The following HS6ST3 variants were observed in gnomAD, a reference collection of about 807,000 sequenced individuals.
HS6ST3 encodes heparan sulfate 6-O-sulfotransferase 3.
Under a neutral mutation model 36.7 loss-of-function variants are expected in HS6ST3, and 12 were observed. The ratio of observed to expected loss-of-function variants is 0.33; its 90% confidence interval spans 0.21 to 0.53. The LOEUF is 0.53. Among genes scored for constraint, HS6ST3 ranks in the 20% least tolerant of loss-of-function variants. HS6ST3 has a pLI of 0.95. For synonymous variants in HS6ST3, 240 were observed against 257.5 expected, an observed-to-expected ratio of 0.93 and a Z score of 0.65; for missense variants, 584 against 640.9, an observed-to-expected ratio of 0.91 and a Z score of 0.96.
intron 1 of HS6ST3, among the ~76,000 whole-genome samples, chr13:96,371,584 T>A (rs1042504967): frequency 2.6e-5 from 4 of 152,180 alleles, no homozygotes; most frequent in Non-Finnish European, 4.4e-5. Context: ...ACCTTTTAGC[T>A]GCAAGTAAGT....
At chr13:96,702,667 G>A (rs1422260640) in intron 1 of HS6ST3, among the ~76,000 whole-genome samples, 2 of 152,144 alleles carry the variant, frequency 1.3e-5, no homozygotes, top group Non-Finnish European at 2.9e-5. Flanking sequence ...CAGAAAAAAT[G>A]AAACTTTGGA....
At position 96,807,793 on chromosome 13, in the gene HS6ST3, G is replaced by A. The variant is rs531834575; in HGVS notation, c.708-24697G>A. ...AGGCAGGAGAATGGTGGGAACCCGG[G>A]AGGTGGAGCTTGCAGTGAGCCGAGA... On this transcript the variant is annotated intron_variant, in intron 1 of 1. Coordinates refer to ENST00000376705, the MANE Select transcript of HS6ST3 (RefSeq NM_153456.4). Among the ~76,000 whole-genome samples, 150 of 151,586 alleles carry A rather than the reference G, an allele frequency of 9.9e-4. 1 individual carries two copies. Among genetic ancestry groups the A allele is most frequent in the Non-Finnish European group, 1.7e-3 (116 of 67,952 alleles).
chr13:96,315,177 A>G (rs774550477), intron 1 of HS6ST3, among the ~76,000 whole-genome samples: 16 of 152,198 alleles, frequency 1.1e-4, no homozygotes, highest in Non-Finnish European at 2.4e-4. Context: ...GTCTGCACAA[A>G]GGATTTAGAT....
chr13:96,536,298 A>G (rs547070182), intron 1 of HS6ST3, among the ~76,000 whole-genome samples: 22 of 152,244 alleles, frequency 1.4e-4, no homozygotes, highest in African/African-American at 5.1e-4. Context: ...TTCCAAAGGC[A>G]GTTTACAAAA....
At chr13:96,188,249 T>C (rs1487580205) in intron 1 of HS6ST3, among the ~76,000 whole-genome samples, 2 of 152,200 alleles carry the variant, frequency 1.3e-5, no homozygotes, top group Admixed American at 1.3e-4. Context: ...TTAGTAAGTA[T>C]GATGTTTATA....
At chr13:96,753,040 G>A (rs913670790) in intron 1 of HS6ST3, among the ~76,000 whole-genome samples, 3 of 152,140 alleles carry the variant, frequency 2.0e-5, no homozygotes, top group Admixed American at 6.5e-5. Flanking sequence ...TTTTCCCAGA[G>A]ATTTGTGTTG....
intron 1 of HS6ST3, among the ~76,000 whole-genome samples, chr13:96,725,986 C>T (rs1244254495): frequency 1.3e-5 from 2 of 151,946 alleles, no homozygotes; most frequent in Admixed American, 1.3e-4. Context: ...TACAGGCGCC[C>T]GCCACCGCTG....
intron 1 of HS6ST3, among the ~76,000 whole-genome samples, chr13:96,368,429 T>G (rs2055273949): frequency 2.0e-5 from 3 of 151,866 alleles, no homozygotes; most frequent in Non-Finnish European, 2.9e-5. Flanking sequence ...GGTAGACTCG[T>G]TCGATGAAAA....
rs546333978 is a variant in HS6ST3, at chr13:96,807,021, T to C, written c.708-25469T>C. On this transcript the variant is annotated intron_variant, in intron 1 of 1. Transcript: ENST00000376705. ...GTTTTCCTCTGCTCCTAATTAGCTG[T>C]GAGACCTTGGCCAAGTGACTTAAAT... Among the ~76,000 whole-genome samples, 3 of 152,310 alleles carry C rather than the reference T, an allele frequency of 2.0e-5. No individual in the cohort carries two copies. In the East Asian group the frequency reaches 5.8e-4, roughly 29 times the overall value.
At chr13:96,194,187 A>G (rs891135415) in intron 1 of HS6ST3, among the ~76,000 whole-genome samples, 2 of 152,040 alleles carry the variant, frequency 1.3e-5, no homozygotes, top group East Asian at 1.9e-4. Flanking sequence ...ATTTCATTGT[A>G]TATACAATAT....
At chr13:96,203,188 A>G (rs984865735) in intron 1 of HS6ST3, among the ~76,000 whole-genome samples, 5 of 152,232 alleles carry the variant, frequency 3.3e-5, no homozygotes, top group Non-Finnish European at 7.3e-5. Flanking sequence ...TACAATAGAC[A>G]GGGTGGCTTA....
chr13:96,422,826 T>C (rs1267221127), intron 1 of HS6ST3, among the ~76,000 whole-genome samples: 1 of 152,204 alleles, frequency 6.6e-6, no homozygotes, highest in Non-Finnish European at 1.5e-5. Context: ...AAATAGATTC[T>C]CCCATTTATC....
intron 1 of HS6ST3, among the ~76,000 whole-genome samples, chr13:96,664,975 C>T (rs1241504123): frequency 6.6e-6 from 1 of 152,054 alleles, no homozygotes; most frequent in Non-Finnish European, 1.5e-5. Flanking sequence ...AGTCCAAGAC[C>T]AGCCCGGGCA....
At chr13:96,484,278 CTCCTTCCTTCCTTCCTCCT>C (rs1262069887) in intron 1 of HS6ST3, among the ~76,000 whole-genome samples, 1 of 151,720 alleles carries the variant, frequency 6.6e-6, no homozygotes, top group East Asian at 1.9e-4. Flanking sequence ...TCACCTTACT[CTCCTTCCTTCCTTCCTCCT>C]TCCTTCCTTC....
At chr13:96,449,433 T>TAG (rs1346276912) in intron 1 of HS6ST3, among the ~76,000 whole-genome samples, 2 of 152,210 alleles carry the variant, frequency 1.3e-5, no homozygotes, top group Non-Finnish European at 2.9e-5. Context: ...TGATTACACT[T>TAG]CTTGCAGAGT....
chr13:96,108,394 C>A (rs476345), intron 1 of HS6ST3, among the ~76,000 whole-genome samples: 4,361 of 152,318 alleles, frequency 0.029, 108 homozygotes, highest in Non-Finnish European at 0.045. Flanking sequence ...CATGAAACTT[C>A]ATCAGCAATT....
intron 1 of HS6ST3, among the ~76,000 whole-genome samples, chr13:96,496,920 A>T (rs1241451312): frequency 6.6e-6 from 1 of 152,182 alleles, no homozygotes; most frequent in Non-Finnish European, 1.5e-5. Flanking sequence ...AGACTAACAC[A>T]CATATAGGGA....
rs1264670390 is a variant in HS6ST3 at position 96,359,298 on chromosome 13, T to TTA, written c.707+267729_707+267730insTA. On this transcript the variant is annotated intron_variant, in intron 1 of 1. Coordinates refer to ENST00000376705, the MANE Select transcript of HS6ST3 (RefSeq NM_153456.4). ...ATCCTAAAACTTTTTGTATCTTTAA[T>TTA]GAGATTGTTTGTACTCCACAGTTGA... Among the ~76,000 whole-genome samples the TTA allele has an allele frequency of 3.3e-5, 5 of 152,194 alleles. No homozygotes were observed. The East Asian group carries it at 9.6e-4, about 29-fold the overall frequency.
chr13:96,767,706 A>G (rs903395268), intron 1 of HS6ST3, among the ~76,000 whole-genome samples: 3 of 152,212 alleles, frequency 2.0e-5, no homozygotes, highest in Admixed American at 6.5e-5. Context: ...TGTGGAAGGG[A>G]TAAGGATGAA....
Sources: gnomAD v4.1 joint callset for allele counts (sites outside exome capture counted in the v4.1 genomes callset) on GRCh38, gnomAD v4.1.1 for gene constraint, MANE v1.5 for transcripts, NCBI Gene and HGNC (gene_info 2026-07-23, HGNC 2026-07-21) for gene names.